Variants in BCL9L observed in about 807,000 individuals in gnomAD.
BCL9L encodes BCL9 like, also known as B-cell CLL/lymphoma 9-like protein.
A neutral mutation model predicts 99.4 loss-of-function variants in BCL9L; 19 were observed. That is an observed-to-expected ratio of 0.19 (90% CI 0.13 to 0.28). The LOEUF is 0.28. BCL9L is among the 10% of genes least tolerant of loss of function. The probability of loss-of-function intolerance (pLI) is 1.00; values close to 1 mark genes in which losing one functional copy is unlikely to be tolerated. For synonymous variants in BCL9L, 900 were observed against 854.8 expected, an observed-to-expected ratio of 1.05 and a Z score of -0.92; for missense variants, 2,023 against 2,101.6, an observed-to-expected ratio of 0.96 and a Z score of 0.73.
At position 118,901,640 on chromosome 11, in the gene BCL9L, G is replaced by GCTCTGTCCCATA; in HGVS notation, c.2102_2103insTATGGGACAGAG (p.Gly703_Met706dup). 1.2e-6 allele frequency: 2 copies of GCTCTGTCCCATA among 1,613,806 alleles called. No homozygotes were observed. Among genetic ancestry groups the GCTCTGTCCCATA allele is most frequent in the Non-Finnish European group, 1.7e-6 (2 of 1,180,008 alleles). On this transcript the variant is annotated inframe_insertion, in exon 8 of 10. Transcript: ENST00000683865. The surrounding 1 kb of genome is among the most constrained non-coding windows in gnomAD (Gnocchi z 6.6). ...GCTCCATCTCCATGCTCTGTCCCAT[G>GCTCTGTCCCATA]CCACTGCCTGCCATGCCCAGGGGGC...
intron 1 of BCL9L, among the ~76,000 whole-genome samples, chr11:118,919,199 C>A (rs1027080744): frequency 1.4e-5 from 2 of 147,872 alleles, no homozygotes; most frequent in Non-Finnish European, 3.0e-5. Context: ...GACCTTAGAG[C>A]TCCCTTAGAG....
rs949496381 is a variant in BCL9L at position 118,914,007 on chromosome 11, G to A, written c.-76-3992C>T. Among the ~76,000 whole-genome samples the A allele has an allele frequency of 1.3e-5, 2 of 152,104 alleles. No homozygotes were observed. Among genetic ancestry groups the A allele is most frequent in the African/African-American group, 4.8e-5 (2 of 41,410 alleles). ...CAAATATATCTGGTCTCTGCCCGCCGCCCCACTGGTACTTCCTGTCCCCTG... is the reference window on the plus strand; with the variant it reads ...CAAATATATCTGGTCTCTGCCCGCCACCCCACTGGTACTTCCTGTCCCCTG... On this transcript the variant is annotated intron_variant, in intron 2 of 9. Transcript: ENST00000683865. The surrounding 1 kb of genome is among the most constrained non-coding windows in gnomAD (Gnocchi z 4.4).
chr11:118,900,342 C>T lies in BCL9L; in HGVS notation c.3125-144G>A. 1 of 1,148,130 alleles carries T rather than the reference C, an allele frequency of 8.7e-7. No individual in the cohort carries two copies. The highest frequency in any genetic ancestry group is 1.7e-5 in the South Asian group (1 of 60,134). 71.1% of individuals were successfully genotyped at this position (1,148,130 alleles called of 1,614,324 possible). A position where few individuals can be genotyped will look rare whatever the true frequency, so the allele number is the denominator to read the frequency against. The stretch of plus-strand genomic sequence containing the variant: ...CACACCCACAGGCCCCCACTATCTC[C>T]AGAGCCCACCAGTCTTCAAGCAATT... On this transcript the variant is annotated intron_variant, in intron 8 of 9. Transcript: ENST00000683865. The surrounding 1 kb of genome is among the most constrained non-coding windows in gnomAD (Gnocchi z 5.3).
chr11:118,900,164 G>T lies in BCL9L; in HGVS notation c.3159C>A (p.Ser1053=). The T allele has an allele frequency of 6.2e-7, 1 of 1,610,004 alleles. No individual in the cohort carries two copies. The highest frequency in any genetic ancestry group is 8.5e-7 in the Non-Finnish European group (1 of 1,176,986). The part of the protein sequence containing the change: ...TLPPSGPRSS[S]SAPPANPPSG... Reference sequence around the variant, plus strand: ...TGGGAGGGTTGGCGGGAGGTGCTGAGGAGCTGCTCCGGGGGCCGCTAGGCG... The same window carrying T: ...TGGGAGGGTTGGCGGGAGGTGCTGATGAGCTGCTCCGGGGGCCGCTAGGCG... Residue 1053 remains serine (S), a synonymous_variant, in exon 9 of 10, where the codon TCC becomes TCA. Transcript: ENST00000683865. This position sits in a 1 kb window ranked among gnomAD's most constrained non-coding sequence, Gnocchi z 5.3.
In BCL9L at chr11:118,897,769, T is replaced by C. The variant is rs754622536; in HGVS notation, c.*646A>G. 2 of 449,574 alleles carry C rather than the reference T, an allele frequency of 4.4e-6. No individual in the cohort carries two copies. The highest frequency in any genetic ancestry group is 4.9e-5 in the Admixed American group (2 of 40,930). 27.8% of individuals were successfully genotyped at this position (449,574 alleles called of 1,614,324 possible). ...GGTTTCTTTTATCCTTTTTTTTTTG[T>C]GTGACTTCTATCAAAACACAGAAAT... is the stretch of plus-strand genomic sequence containing the variant. On this transcript the variant is annotated 3_prime_UTR_variant, in exon 10 of 10. Coordinates refer to ENST00000683865, the MANE Select transcript of BCL9L (RefSeq NM_001378213.1).
intron 5 of BCL9L, 121 bp downstream of exon 5, chr11:118,907,362 T>C: frequency 1.3e-6 from 2 of 1,511,890 alleles, no homozygotes; most frequent in Non-Finnish European, 1.8e-6. Flanking sequence ...GTCTGAGAGG[T>C]AGGATGGGAG....
At chr11:118,923,898 T>A (rs965781474) in intron 1 of BCL9L, among the ~76,000 whole-genome samples, 2 of 152,166 alleles carry the variant, frequency 1.3e-5, no homozygotes, top group Non-Finnish European at 2.9e-5. Flanking sequence ...CCCTGTCCTG[T>A]CCTGAGGCCT....
Position 118,903,475 on chromosome 11 carries a change from A to G in BCL9L, c.533-23T>C. ...AATCTGCAGGAGAGAGGACAGGGAA[A>G]GGGGCTAAGTGGTCTAGATACAAGA... On this transcript the variant is annotated intron_variant, in intron 5 of 9. Coordinates refer to ENST00000683865, the MANE Select transcript of BCL9L (RefSeq NM_001378213.1). The surrounding 1 kb of genome is among the most constrained non-coding windows in gnomAD (Gnocchi z 5.6). 6.2e-7 allele frequency: 1 copy of G among 1,610,852 alleles called. No homozygotes were observed. Among genetic ancestry groups the G allele is most frequent in the Non-Finnish European group, 8.5e-7 (1 of 1,177,976 alleles).
intron 1 of BCL9L, among the ~76,000 whole-genome samples, chr11:118,923,511 G>A (rs951473508): frequency 1.3e-5 from 2 of 152,092 alleles, no homozygotes; most frequent in Non-Finnish European, 2.9e-5. Context: ...TCCCTCTCTA[G>A]GACCCTGTAG....
chr11:118,920,237 G>A (rs1180035450), intron 1 of BCL9L, among the ~76,000 whole-genome samples: 1 of 152,152 alleles, frequency 6.6e-6, no homozygotes, highest in Non-Finnish European at 1.5e-5. Context: ...GGGTTCTAGT[G>A]CCTGCATCCC....
At chr11:118,910,640 G>C (rs910922074) in intron 2 of BCL9L, 2 of 151,888 alleles carry the variant, frequency 1.3e-5, no homozygotes, top group African/African-American at 4.8e-5. Context: ...CCCTTCGGCA[G>C]AGCCCGGGCG....
intron 3 of BCL9L, among the ~76,000 whole-genome samples, chr11:118,909,503 C>T (rs1178501073): frequency 6.6e-6 from 1 of 152,174 alleles, no homozygotes; most frequent in East Asian, 1.9e-4. Flanking sequence ...GCCCTGTCTG[C>T]CGGCTTCTCC....
chr11:118,909,900 C>G lies in BCL9L; in HGVS notation c.26+14G>C. ...CCACACACACACATCCCACCCGCCACGACACCCACACACCTTGTCTTGTTA... is the reference window on the plus strand; with the variant it reads ...CCACACACACACATCCCACCCGCCAGGACACCCACACACCTTGTCTTGTTA... On this transcript the variant is annotated intron_variant, in intron 3 of 9. Coordinates refer to ENST00000683865, the MANE Select transcript of BCL9L (RefSeq NM_001378213.1). 1 of 1,614,112 alleles carries G rather than the reference C, an allele frequency of 6.2e-7. No individual in the cohort carries two copies. Among genetic ancestry groups the G allele is most frequent in the Non-Finnish European group, 8.5e-7 (1 of 1,179,984 alleles).
Position 118,901,862 on chromosome 11 carries a change from A to G in BCL9L, c.1881T>C (p.Asn627=). 1 of 1,611,008 alleles carries G rather than the reference A, an allele frequency of 6.2e-7. No homozygotes were observed. The highest frequency in any genetic ancestry group is 8.5e-7 in the Non-Finnish European group (1 of 1,177,516). The change falls in exon 8 of 10, where the codon AAT becomes AAC. Residue 627 remains asparagine (N), a synonymous_variant. Coordinates refer to ENST00000683865, the MANE Select transcript of BCL9L (RefSeq NM_001378213.1). The surrounding 1 kb of genome is among the most constrained non-coding windows in gnomAD (Gnocchi z 6.6). ...CTGGTCTCACGGGCCTCTGCATGGC[A>G]TTCATGGGCACCTCCATGGGCATAC... ...MQSMPMEVPM[N]AMQRPVRPGM...
Position 118,920,529 on chromosome 11 carries a change from A to G in BCL9L, c.-130-1650T>C, listed in dbSNP as rs376393232. Among the ~76,000 whole-genome samples the G allele has an allele frequency of 2.6e-5, 4 of 152,156 alleles. No individual in the cohort carries two copies. In the East Asian group the frequency reaches 7.7e-4, roughly 29 times the overall value. On this transcript the variant is annotated intron_variant, in intron 1 of 9. Coordinates refer to ENST00000683865, the MANE Select transcript of BCL9L (RefSeq NM_001378213.1). ...AGAAGTCAACTTTTCTGAACCTTAA[A>G]TTTGCCACCAAGCTCCCAAGTCCAA...
rs544836957 is a variant in BCL9L, at chr11:118,897,387, G to A, written c.*1028C>T. On this transcript the variant is annotated 3_prime_UTR_variant, in exon 10 of 10. Coordinates refer to ENST00000683865, the MANE Select transcript of BCL9L (RefSeq NM_001378213.1). ...CTGGGACAAAAGACTTCAAGTTCTG[G>A]CTAAGATGTAGCAGCAGCGGATGCC... 1 of 194,278 alleles carries A rather than the reference G, an allele frequency of 5.1e-6. No individual in the cohort carries two copies. The highest frequency in any genetic ancestry group is 2.4e-5 in the African/African-American group (1 of 41,748). 12.0% of individuals were successfully genotyped at this position (194,278 alleles called of 1,614,324 possible). A position where few individuals can be genotyped will look rare whatever the true frequency, so the allele number is the denominator to read the frequency against.
Position 118,901,575 on chromosome 11 carries a change from A to T in BCL9L, c.2168T>A (p.Phe723Tyr). ...QAHRQMDPAM[F>Y]PGQMAGGEGL... ...CTCACCACCAGCCATCTGCCCGGGAAACATGGCAGGATCCATCTGTCGGTG... is the reference window on the plus strand; with the variant it reads ...CTCACCACCAGCCATCTGCCCGGGATACATGGCAGGATCCATCTGTCGGTG... Residue 723 changes from phenylalanine to tyrosine, a missense_variant, in exon 8 of 10, where the codon TTT becomes TAT. By Grantham distance (22) the Phe-to-Tyr change is conservative (BLOSUM62 3). Coordinates refer to ENST00000683865, the MANE Select transcript of BCL9L (RefSeq NM_001378213.1). The surrounding 1 kb of genome is among the most constrained non-coding windows in gnomAD (Gnocchi z 6.6). The T allele has an allele frequency of 6.2e-7, 1 of 1,614,038 alleles. No homozygotes were observed. The highest frequency in any genetic ancestry group is 8.5e-7 in the Non-Finnish European group (1 of 1,179,998).
intron 2 of BCL9L, among the ~76,000 whole-genome samples, chr11:118,915,460 G>C (rs1478324519): frequency 6.6e-6 from 1 of 152,168 alleles, no homozygotes; most frequent in East Asian, 1.9e-4. Flanking sequence ...CATCATATTA[G>C]TGGTACCAAG....
chr11:118,898,294 G>GGCCCCCCCCCCCCCCCCCCCCCCCCCCCC lies in BCL9L; in HGVS notation c.*120_*121insGGGGGGGGGGGGGGGGGGGGGGGGGGGGC. On this transcript the variant is annotated 3_prime_UTR_variant, in exon 10 of 10. Transcript: ENST00000683865. ...TCCACAAATGCCACTCCCTACACAAGCCCCCTCCCACCCCCTCCACCCCAC... is the reference window on the plus strand; with the variant it reads ...TCCACAAATGCCACTCCCTACACAAGGCCCCCCCCCCCCCCCCCCCCCCCCCCCCCCCCCTCCCACCCCCTCCACCCCAC... 2.2e-6 allele frequency: 1 copy of GGCCCCCCCCCCCCCCCCCCCCCCCCCCCC among 452,312 alleles called. No homozygotes were observed. The highest frequency in any genetic ancestry group is 2.0e-5 in the African/African-American group (1 of 49,078). 28.0% of individuals were successfully genotyped at this position (452,312 alleles called of 1,614,324 possible).
Sources: gnomAD v4.1 joint callset for allele counts (sites outside exome capture counted in the v4.1 genomes callset) on GRCh38, gnomAD v4.1.1 for gene constraint, Gnocchi (gnomAD v3.1) non-coding constraint, MANE v1.5 for transcripts, NCBI Gene and HGNC (gene_info 2026-07-23, HGNC 2026-07-21) for gene names.